Variants in SHISA9 observed in about 807,000 individuals in gnomAD.
SHISA9 encodes protein shisa-9.
In SHISA9, 13 loss-of-function variants were observed where a neutral mutation model predicts 38.0. The observed-to-expected ratio is 0.34, with a 90% CI of 0.22 to 0.54. The LOEUF (loss-of-function observed/expected upper bound fraction) is 0.54, where lower values mean the gene tolerates loss of function less well. SHISA9 is among the 20% of genes least tolerant of loss of function. SHISA9 has a pLI of 0.91. For synonymous variants in SHISA9, 275 were observed against 242.0 expected (o/e 1.14, Z -1.27); for missense variants, 538 against 575.8 (o/e 0.93, Z 0.67).
intron 1 of SHISA9, among the ~76,000 whole-genome samples, chr16:12,907,436 G>T (rs1182297237): frequency 1.4e-5 from 2 of 147,454 alleles, no homozygotes; most frequent in Non-Finnish European, 3.0e-5. Flanking sequence ...GCTGAAACAT[G>T]TGAAAATAAG....
At chr16:13,039,644 A>G (rs185342358) in intron 2 of SHISA9, among the ~76,000 whole-genome samples, 392 of 152,294 alleles carry the variant, frequency 2.6e-3, no homozygotes, top group African/African-American at 8.6e-3. Flanking sequence ...CTAAATCAAT[A>G]AACAGTGTGG....
intron 2 of SHISA9, among the ~76,000 whole-genome samples, chr16:13,067,882 C>T (rs2073452977): frequency 6.6e-6 from 1 of 152,226 alleles, no homozygotes; most frequent in East Asian, 1.9e-4. Context: ...CCACTGATTC[C>T]TCCTCAACCT....
intron 2 of SHISA9, among the ~76,000 whole-genome samples, chr16:13,050,749 A>T (rs2073242009): frequency 6.6e-6 from 1 of 152,224 alleles, no homozygotes; most frequent in African/African-American, 2.4e-5. Flanking sequence ...GTCTCTCCTC[A>T]TCCCCTCAAT....
intron 2 of SHISA9, among the ~76,000 whole-genome samples, chr16:13,005,436 C>A (rs2072586504): frequency 6.6e-6 from 1 of 152,120 alleles, no homozygotes; most frequent in Non-Finnish European, 1.5e-5. Flanking sequence ...GGGATGCATG[C>A]TCATTTTACC....
intron 2 of SHISA9, among the ~76,000 whole-genome samples, chr16:13,042,293 G>A (rs1327166801): frequency 2.0e-5 from 3 of 152,178 alleles, no homozygotes; most frequent in Non-Finnish European, 4.4e-5. Context: ...GTAAAAGACT[G>A]AAACCATGCT....
the SHISA9 span, among the ~76,000 whole-genome samples, chr16:13,326,726 AAG>A: frequency 2.6e-5 from 4 of 152,202 alleles, no homozygotes; most frequent in African/African-American, 9.7e-5. Flanking sequence ...TTCTCAGAAA[AAG>A]AAAGAAAAAA....
the SHISA9 span, among the ~76,000 whole-genome samples, chr16:13,288,487 CAGAG>C: frequency 1.3e-5 from 2 of 151,688 alleles, no homozygotes; most frequent in Non-Finnish European, 2.9e-5. Flanking sequence ...CAAAGAGAGA[CAGAG>C]AGAGAGATCA....
chr16:12,982,484 C>T (rs112855572), intron 2 of SHISA9, among the ~76,000 whole-genome samples: 1,639 of 152,276 alleles, frequency 0.011, 25 homozygotes, highest in Admixed American at 0.044. Flanking sequence ...GCCCTGCTTA[C>T]CTTTTTAATC....
At chr16:13,283,219 A>C in the SHISA9 span, among the ~76,000 whole-genome samples, 1 of 152,230 alleles carries the variant, frequency 6.6e-6, no homozygotes, top group African/African-American at 2.4e-5. Flanking sequence ...GCTTGTTCAA[A>C]TTTTATTTAG....
chr16:13,471,051 G>C, the SHISA9 span, among the ~76,000 whole-genome samples: 7 of 152,022 alleles, frequency 4.6e-5, no homozygotes, highest in Non-Finnish European at 1.0e-4. Flanking sequence ...AGTCTTGCTG[G>C]AACCCTAAAG....
chr16:12,903,196 C>T (rs987222616), intron 1 of SHISA9, among the ~76,000 whole-genome samples: 2 of 152,198 alleles, frequency 1.3e-5, no homozygotes, highest in African/African-American at 4.8e-5. Flanking sequence ...GAGCGGCCGC[C>T]TCGCTTTCCC....
At chr16:12,989,655 T>C (rs909830186) in intron 2 of SHISA9, among the ~76,000 whole-genome samples, 2 of 152,194 alleles carry the variant, frequency 1.3e-5, no homozygotes, top group African/African-American at 4.8e-5. Flanking sequence ...CTTTGCTTTT[T>C]GTCACATACC....
At chr16:13,379,433 G>C in the SHISA9 span, among the ~76,000 whole-genome samples, 1 of 152,134 alleles carries the variant, frequency 6.6e-6, no homozygotes, top group Admixed American at 6.5e-5. Flanking sequence ...CGAAGAAGGA[G>C]CAACTCCCAG....
chr16:13,070,052 T>A (rs1299088580), intron 2 of SHISA9, among the ~76,000 whole-genome samples: 1 of 152,060 alleles, frequency 6.6e-6, no homozygotes, highest in Non-Finnish European at 1.5e-5. Context: ...CACTTGGAAA[T>A]TTGGGGGCTT....
At chr16:13,007,441 T>A (rs1015134387) in intron 2 of SHISA9, among the ~76,000 whole-genome samples, 2 of 152,192 alleles carry the variant, frequency 1.3e-5, no homozygotes, top group Non-Finnish European at 2.9e-5. Context: ...CAAGTGTTCT[T>A]TATTTCTTGC....
the SHISA9 span, among the ~76,000 whole-genome samples, chr16:13,516,133 C>T: frequency 6.6e-6 from 1 of 152,170 alleles, no homozygotes; most frequent in Non-Finnish European, 1.5e-5. Context: ...GGAAGTGTCT[C>T]GTCCAAGCTG....
intron 2 of SHISA9, among the ~76,000 whole-genome samples, chr16:13,180,336 C>G (rs2050766360): frequency 6.6e-6 from 1 of 152,182 alleles, no homozygotes; most frequent in African/African-American, 2.4e-5. Flanking sequence ...GAAGTTTGGA[C>G]CAGGGGTGCA....
At chr16:13,513,411 A>G in the SHISA9 span, among the ~76,000 whole-genome samples, 3 of 152,244 alleles carry the variant, frequency 2.0e-5, no homozygotes, top group Non-Finnish European at 4.4e-5. Flanking sequence ...TAGTTCAACC[A>G]TTGTCAAAGA....
the SHISA9 span, among the ~76,000 whole-genome samples, chr16:13,285,415 T>G: frequency 3.3e-5 from 5 of 151,602 alleles, no homozygotes; most frequent in Non-Finnish European, 7.4e-5. Flanking sequence ...CATGTTCTCT[T>G]GGCAATGAAT....
Sources: gnomAD v4.1 joint callset for allele counts (sites outside exome capture counted in the v4.1 genomes callset) on GRCh38, gnomAD v4.1.1 for gene constraint, MANE v1.5 for transcripts, NCBI Gene and HGNC (gene_info 2026-07-23, HGNC 2026-07-21) for gene names.